Variants in ASH1L observed in about 807,000 individuals in gnomAD.
ASH1L encodes the protein histone-lysine N-methyltransferase ASH1L.
A neutral mutation model predicts 269.0 loss-of-function variants in ASH1L; 23 were observed. That is an observed-to-expected ratio of 0.09 (90% CI 0.06 to 0.12). The LOEUF is 0.12. Among genes scored for constraint, ASH1L ranks in the 10% least tolerant of loss-of-function variants. The pLI, the probability that ASH1L is intolerant of heterozygous loss-of-function variation, is 1.00. For synonymous variants in ASH1L, 1,187 were observed against 1,253.5 expected, an observed-to-expected ratio of 0.95 and a Z score of 1.12; for missense variants, 2,912 against 3,567.8, an observed-to-expected ratio of 0.82 and a Z score of 4.68.
chr1:155,376,394 T>C lies in ASH1L; in HGVS notation c.6332+1887A>G, dbSNP rs138045074. On this transcript the variant is annotated intron_variant, in intron 10 of 27. Coordinates refer to ENST00000392403, the MANE Select transcript of ASH1L (RefSeq NM_018489.3). Reference sequence around the variant, plus strand: ...AACTATCCAGAACAGGAAATACTGATGTAAAATTCACTGATTCTTTTTTAT... The same window carrying C: ...AACTATCCAGAACAGGAAATACTGACGTAAAATTCACTGATTCTTTTTTAT... 1.0e-3 allele frequency among the ~76,000 whole-genome samples: 153 copies of C among 152,370 alleles called. 1 individual carries two copies. In the East Asian group the frequency reaches 0.026, roughly 26 times the overall value.
At chr1:155,357,497 C>G in intron 14 of ASH1L, 87 bp from the exon 15 acceptor site, 1 of 1,593,940 alleles carries the variant, frequency 6.3e-7, no homozygotes, top group East Asian at 2.2e-5. Context: ...TCTTAAGATG[C>G]CACCCTCTGG....
intron 1 of ASH1L, among the ~76,000 whole-genome samples, chr1:155,531,021 G>C (rs2148866775): frequency 6.6e-6 from 1 of 152,146 alleles, no homozygotes; most frequent in Non-Finnish European, 1.5e-5. Flanking sequence ...AGCTGGGTGT[G>C]GTGGGACACA....
At chr1:155,463,290 G>A (rs919942208) in intron 3 of ASH1L, among the ~76,000 whole-genome samples, 1 of 151,806 alleles carries the variant, frequency 6.6e-6, no homozygotes, top group Admixed American at 6.7e-5. Flanking sequence ...AGCATCCTTG[G>A]GTTTGACTCC....
intron 2 of ASH1L, among the ~76,000 whole-genome samples, chr1:155,495,132 A>G (rs1024918273): frequency 1.3e-5 from 2 of 152,228 alleles, no homozygotes; most frequent in African/African-American, 4.8e-5. Context: ...AATGGGTTTG[A>G]AAGAGAATGG....
At chr1:155,552,486 T>C (rs1671286789) in intron 1 of ASH1L, among the ~76,000 whole-genome samples, 1 of 150,166 alleles carries the variant, frequency 6.7e-6, no homozygotes, top group African/African-American at 2.5e-5. Context: ...AAAAAGAAGT[T>C]TTGATAGAAA....
intron 1 of ASH1L, among the ~76,000 whole-genome samples, chr1:155,543,769 A>C (rs1016663089): frequency 1.3e-5 from 2 of 151,692 alleles, no homozygotes; most frequent in Non-Finnish European, 2.9e-5. Context: ...CCATCTCTAC[A>C]AAAAATTTAA....
At position 155,343,926 on chromosome 1, in the gene ASH1L, G is replaced by A. The variant is rs569205507; in HGVS notation, c.7982-184C>T. On this transcript the variant is annotated intron_variant, in intron 22 of 27. Transcript: ENST00000392403. This position sits in a 1 kb window ranked among gnomAD's most constrained non-coding sequence, Gnocchi z 6.1. ...TCTAGACTATGACAATAATATAAGG[G>A]AGGCATTCCATTTCTTGAGCTTCCT... 1.3e-5 allele frequency among the ~76,000 whole-genome samples: 2 copies of A among 152,268 alleles called. No homozygotes were observed. Among genetic ancestry groups the A allele is most frequent in the African/African-American group, 4.8e-5 (2 of 41,552 alleles).
chr1:155,552,678 T>G (rs749367027), intron 1 of ASH1L, among the ~76,000 whole-genome samples: 1 of 151,768 alleles, frequency 6.6e-6, no homozygotes, highest in South Asian at 2.1e-4. Flanking sequence ...AAACCTAGGC[T>G]AAAATGAAGA....
intron 2 of ASH1L, among the ~76,000 whole-genome samples, chr1:155,496,950 AT>A (rs1276815498): frequency 6.6e-6 from 1 of 152,038 alleles, no homozygotes; most frequent in Non-Finnish European, 1.5e-5. Context: ...CCAGCCAATT[AT>A]TAGATTTTCT....
At chr1:155,381,845 T>C (rs963788125) in intron 7 of ASH1L, among the ~76,000 whole-genome samples, 1 of 150,714 alleles carries the variant, frequency 6.6e-6, no homozygotes, top group Non-Finnish European at 1.5e-5. Flanking sequence ...CAAGATCACG[T>C]ACTGCACTCC....
Position 155,357,567 on chromosome 1 carries a change from CAT to C in ASH1L, c.6960+16_6960+17del. 6.2e-7 allele frequency: 1 copy of C among 1,613,576 alleles called. No individual in the cohort carries two copies. The highest frequency in any genetic ancestry group is 8.5e-7 in the Non-Finnish European group (1 of 1,179,734). ...CTCATGAACAGCTTTTGGGGAAAGT[CAT>C]TAGATAATTATTCACCCTTTTCTTC... On this transcript the variant is annotated intron_variant, in intron 14 of 27. Transcript: ENST00000392403.
intron 4 of ASH1L, among the ~76,000 whole-genome samples, chr1:155,439,680 C>A (rs558545451): frequency 6.6e-6 from 1 of 151,960 alleles, no homozygotes; most frequent in Non-Finnish European, 1.5e-5. Context: ...CAGAGCGAGA[C>A]CCTGTCTCAA....
intron 13 of ASH1L, among the ~76,000 whole-genome samples, chr1:155,359,098 C>T (rs1654704757): frequency 6.6e-6 from 1 of 152,096 alleles, no homozygotes; most frequent in Non-Finnish European, 1.5e-5. Context: ...CTAGTGTGGG[C>T]CACAGAACGA....
intron 2 of ASH1L, among the ~76,000 whole-genome samples, chr1:155,494,743 A>C (rs1667038566): frequency 6.6e-6 from 1 of 152,200 alleles, no homozygotes; most frequent in Admixed American, 6.5e-5. Flanking sequence ...CTAAACATCA[A>C]AGTAGAGAAG....
chr1:155,474,825 C>G (rs1478265855), intron 3 of ASH1L, among the ~76,000 whole-genome samples: 2 of 152,222 alleles, frequency 1.3e-5, no homozygotes, highest in Admixed American at 1.3e-4. Flanking sequence ...CTAACCTAAT[C>G]TAAGCACCAT....
Position 155,561,959 on chromosome 1 carries a change from A to C in ASH1L, c.-100+194T>G, listed in dbSNP as rs564884241. The C allele has an allele frequency of 3.6e-4, 187 of 515,096 alleles. 1 individual carries two copies. The highest frequency in any genetic ancestry group is 3.2e-3 in the African/African-American group (161 of 51,040). The allele number at this position is 515,096 out of a possible 1,614,324, so 31.9% of individuals were successfully genotyped here. A position where few individuals can be genotyped will look rare whatever the true frequency, so the allele number is the denominator to read the frequency against. ...CCCTCCGGGAGTCTGCCTGTCAGGGACACCCCTTCACCCCGCCTGGAGGGA... is the reference window on the plus strand; with the variant it reads ...CCCTCCGGGAGTCTGCCTGTCAGGGCCACCCCTTCACCCCGCCTGGAGGGA... On this transcript the variant is annotated intron_variant, in intron 1 of 27. Coordinates refer to ENST00000392403, the MANE Select transcript of ASH1L (RefSeq NM_018489.3).
chr1:155,455,074 G>A (rs1663779291), intron 4 of ASH1L, among the ~76,000 whole-genome samples: 1 of 152,050 alleles, frequency 6.6e-6, no homozygotes, highest in Non-Finnish European at 1.5e-5. Flanking sequence ...AAATTACCAT[G>A]GATTTGTGTC....
intron 17 of ASH1L, among the ~76,000 whole-genome samples, chr1:155,350,426 A>C (rs1261989310): frequency 1.3e-5 from 2 of 152,198 alleles, no homozygotes; most frequent in Non-Finnish European, 2.9e-5. Context: ...GATATGAAAG[A>C]TATAGTTGCA....
intron 1 of ASH1L, among the ~76,000 whole-genome samples, chr1:155,526,773 T>C (rs1345199759): frequency 3.9e-5 from 6 of 152,210 alleles, no homozygotes; most frequent in Admixed American, 3.9e-4. Flanking sequence ...TATCACAATA[T>C]ATAAACGATC....
Sources: gnomAD v4.1 joint callset for allele counts (sites outside exome capture counted in the v4.1 genomes callset) on GRCh38, gnomAD v4.1.1 for gene constraint, Gnocchi (gnomAD v3.1) non-coding constraint, MANE v1.5 for transcripts, NCBI Gene and HGNC (gene_info 2026-07-23, HGNC 2026-07-21) for gene names.